The following ARHGAP8 variants were observed in gnomAD, a reference collection of about 807,000 sequenced individuals.
ARHGAP8 encodes rho GTPase-activating protein 8.
Under a neutral mutation model 46.1 loss-of-function variants are expected in ARHGAP8, and 62 were observed. The ratio of observed to expected loss-of-function variants is 1.34; its 90% CI spans 1.10 to 1.66. ARHGAP8 has a LOEUF of 1.66. Among genes scored for constraint, ARHGAP8 ranks in the 40% most tolerant of loss-of-function variants. The pLI is 0.00. For synonymous variants in ARHGAP8, 375 were observed against 243.1 expected, an observed-to-expected ratio of 1.54 and a Z score of -5.05; for missense variants, 923 against 568.4, an observed-to-expected ratio of 1.62 and a Z score of -6.34.
chr22:44,842,440 T>G (rs1278704675), intron 7 of ARHGAP8, among the ~76,000 whole-genome samples: 1 of 152,316 alleles, frequency 6.6e-6, no homozygotes, highest in East Asian at 1.9e-4. Context: ...TTCCTAGACA[T>G]AGATTCACTG....
intron 5 of ARHGAP8, among the ~76,000 whole-genome samples, chr22:44,822,006 C>G (rs943881255): frequency 3.9e-5 from 6 of 152,238 alleles, no homozygotes; most frequent in Admixed American, 1.3e-4. Flanking sequence ...CAGAGCTGCT[C>G]TCTCTGTGCC....
At chr22:44,862,219 A>G in intron 11 of ARHGAP8, 56 bp from the exon 12 acceptor site, 9 of 1,532,710 alleles carry the variant, frequency 5.9e-6, no homozygotes, top group Non-Finnish European at 7.9e-6. Context: ...AGGGAGTTCC[A>G]GGTGCCCGTG....
At chr22:44,797,679 C>A (rs534828876) in intron 2 of ARHGAP8, among the ~76,000 whole-genome samples, 1 of 152,218 alleles carries the variant, frequency 6.6e-6, no homozygotes, top group Non-Finnish European at 1.5e-5. Context: ...GAATCAGATG[C>A]GTGGCGTAAA....
At chr22:44,857,566 G>A (rs960723786) in intron 10 of ARHGAP8, among the ~76,000 whole-genome samples, 68 of 152,222 alleles carry the variant, frequency 4.5e-4, no homozygotes, top group African/African-American at 1.4e-3. Context: ...AAGAAGAGTG[G>A]AGAGGCGTGG....
intron 10 of ARHGAP8, among the ~76,000 whole-genome samples, chr22:44,854,012 G>C (rs112352620): frequency 2.7e-5 from 3 of 111,180 alleles, no homozygotes; most frequent in Non-Finnish European, 5.1e-5. Flanking sequence ...GGGACACAGC[G>C]AGACTCTGTC....
chr22:44,838,271 G>A (rs991252939), intron 7 of ARHGAP8, among the ~76,000 whole-genome samples: 1 of 152,018 alleles, frequency 6.6e-6, no homozygotes, highest in African/African-American at 2.4e-5. Flanking sequence ...CTAAGTAGCT[G>A]GGATTACAGG....
chr22:44,757,669 C>T (rs553998098), intron 1 of ARHGAP8, among the ~76,000 whole-genome samples: 2 of 151,996 alleles, frequency 1.3e-5, no homozygotes, highest in South Asian at 2.1e-4. Flanking sequence ...CCTGGAGTCT[C>T]ACTCCATCAC....
intron 8 of ARHGAP8, among the ~76,000 whole-genome samples, chr22:44,847,268 A>G (rs1039022566): frequency 1.6e-4 from 24 of 152,202 alleles, no homozygotes; most frequent in African/African-American, 4.8e-4. Flanking sequence ...TCATGAGCCA[A>G]TTACAAGCAC....
At chr22:44,844,525 C>A (rs1475325669) in intron 7 of ARHGAP8, among the ~76,000 whole-genome samples, 3 of 152,100 alleles carry the variant, frequency 2.0e-5, no homozygotes, top group South Asian at 2.1e-4. Context: ...TGCAGTGGCA[C>A]AATCTCAGCT....
chr22:44,859,821 G>C lies in ARHGAP8; in HGVS notation c.968G>C (p.Gly323Ala). The C allele has an allele frequency of 1.2e-6, 2 of 1,613,784 alleles. No individual in the cohort carries two copies. The highest frequency in any genetic ancestry group is 8.5e-7 in the Non-Finnish European group (1 of 1,179,932). Residue 323 changes from glycine (G) to alanine (A), a missense_variant, in exon 11 of 12, where the codon GGC (glycine) becomes GCC (alanine). By Grantham distance (60) the Gly-to-Ala change is moderately conservative. Coordinates refer to ENST00000356099, the MANE Select transcript of ARHGAP8 (RefSeq NM_181335.3). ...TACGTCGTCCTCCGCTACCTCATGG[G>C]CTTCCTGCATGCGGTGAGTGGGGAA... ...HNYVVLRYLM[G>A]FLHAVSRESI... is the part of the protein sequence containing the mutation.
Position 44,858,960 on chromosome 22 carries a change from G to C in ARHGAP8, c.878-771G>C, listed in dbSNP as rs1322467973. 2.6e-5 allele frequency among the ~76,000 whole-genome samples: 4 copies of C among 151,926 alleles called. 1 individual carries two copies. The highest frequency in any genetic ancestry group is 9.7e-5 in the African/African-American group (4 of 41,314). On this transcript the variant is annotated intron_variant, in intron 10 of 11. Coordinates refer to ENST00000356099, the MANE Select transcript of ARHGAP8 (RefSeq NM_181335.3). The stretch of plus-strand genomic sequence containing the variant: ...CAACTACTCAGCTCTGCCCTGATGA[G>C]GCAAAAGCAGCCACAGGCAATGTAC...
At position 44,752,575 on chromosome 22, in the gene ARHGAP8, A is replaced by T. The variant is rs1051949957; in HGVS notation, c.-124A>T. On this transcript the variant is annotated 5_prime_UTR_variant, in exon 1 of 12. Transcript: ENST00000356099. ...CGGGAGCCACGTCCGGGGAGGGGCC[A>T]GGTGAGCGGCAGACCCGGCACGCAG... 6.9e-6 allele frequency: 1 copy of T among 145,814 alleles called. No individual in the cohort carries two copies. Among genetic ancestry groups the T allele is most frequent in the African/African-American group, 2.5e-5 (1 of 39,634 alleles). 9.0% of individuals were successfully genotyped at this position (145,814 alleles called of 1,614,324 possible).
intron 11 of ARHGAP8, among the ~76,000 whole-genome samples, chr22:44,860,969 T>A (rs2147205574): frequency 6.7e-6 from 1 of 150,014 alleles, no homozygotes; most frequent in African/African-American, 2.4e-5. Flanking sequence ...TTGCTTGACA[T>A]AATTTCTCAG....
chr22:44,860,992 A>AAACTC (rs1450551243), intron 11 of ARHGAP8, among the ~76,000 whole-genome samples: 1 of 126,428 alleles, frequency 7.9e-6, no homozygotes, highest in Non-Finnish European at 1.8e-5. Flanking sequence ...GCCCAAAACT[A>AAACTC]AACTCTCCTA....
At chr22:44,762,110 A>G (rs928822282) in intron 1 of ARHGAP8, among the ~76,000 whole-genome samples, 1 of 152,260 alleles carries the variant, frequency 6.6e-6, no homozygotes, top group Non-Finnish European at 1.5e-5. Flanking sequence ...TCAGAAGGAC[A>G]GACAGGAGCT....
At chr22:44,786,371 CTG>C (rs1422042989) in intron 1 of ARHGAP8, 84 bp from the exon 2 acceptor site, 1 of 1,494,192 alleles carries the variant, frequency 6.7e-7, no homozygotes, top group Non-Finnish European at 9.0e-7. Flanking sequence ...AGGTGGGTGA[CTG>C]TCTTATGAAA....
chr22:44,829,118 C>CAAAAAAAAAAAAAAAA (rs57906111), intron 7 of ARHGAP8, among the ~76,000 whole-genome samples: 2 of 49,356 alleles, frequency 4.1e-5, no homozygotes, highest in African/African-American at 1.8e-4. Context: ...ACTAAAAATA[C>CAAAAAAAAAAAAAAAA]AAAAAAAAAA....
intron 1 of ARHGAP8, among the ~76,000 whole-genome samples, chr22:44,774,156 T>G (rs979137096): frequency 3.9e-5 from 6 of 152,212 alleles, no homozygotes; most frequent in African/African-American, 1.4e-4. Flanking sequence ...ATTTATGCCT[T>G]TCTAACTCCA....
intron 5 of ARHGAP8, among the ~76,000 whole-genome samples, chr22:44,819,288 A>G (rs1929962548): frequency 6.6e-6 from 1 of 152,134 alleles, no homozygotes; most frequent in South Asian, 2.1e-4. Flanking sequence ...GCTCCTCTCC[A>G]ATTCCTAACC....
Sources: gnomAD v4.1 joint callset for allele counts (sites outside exome capture counted in the v4.1 genomes callset) on GRCh38, gnomAD v4.1.1 for gene constraint, MANE v1.5 for transcripts, NCBI Gene and HGNC (gene_info 2026-07-23, HGNC 2026-07-21) for gene names.